PCDHA4: variants seen among roughly 807,000 people sequenced by gnomAD.
PCDHA4 encodes the protein protocadherin alpha-4.
A neutral mutation model predicts 61.4 loss-of-function variants in PCDHA4; 49 were observed. The observed-to-expected ratio is 0.80, with a 90% confidence interval of 0.63 to 1.01. PCDHA4 has a LOEUF of 1.01. Among genes scored for constraint, PCDHA4 ranks in the 50% least tolerant of loss-of-function variants. The probability of loss-of-function intolerance (pLI) is 0.00; values close to 1 mark genes in which losing one functional copy is unlikely to be tolerated. For missense variants in PCDHA4, 1,254 were observed against 1,235.8 expected (o/e 1.01, Z -0.22); for synonymous variants, 590 against 550.3 (o/e 1.07, Z -1.01).
chr5:141,006,946 G>A (rs1333269040), intron 3 of PCDHA4, among the ~76,000 whole-genome samples: 1 of 152,120 alleles, frequency 6.6e-6, no homozygotes, highest in African/African-American at 2.4e-5. Flanking sequence ...TACCAGATAG[G>A]CAGTTATACA....
chr5:140,860,328 C>G (rs971322066), intron 1 of PCDHA4: 8 of 151,880 alleles, frequency 5.3e-5, no homozygotes, highest in Non-Finnish European at 1.0e-4. Context: ...CTGCAGTGAC[C>G]CATGATTGTG....
intron 1 of PCDHA4, chr5:140,810,699 A>T (rs782380307): frequency 6.6e-6 from 1 of 151,874 alleles, no homozygotes; most frequent in Non-Finnish European, 1.5e-5. Context: ...CTTCCATAGA[A>T]CTTTATTTAT....
intron 1 of PCDHA4, among the ~76,000 whole-genome samples, chr5:140,872,744 C>T (rs1359908128): frequency 6.6e-6 from 1 of 152,086 alleles, no homozygotes; most frequent in African/African-American, 2.4e-5. Flanking sequence ...TCTAAACTTG[C>T]TAAAGACATG....
chr5:140,831,107 C>T (rs1479291703), intron 1 of PCDHA4: 8 of 152,120 alleles, frequency 5.3e-5, no homozygotes, highest in Non-Finnish European at 8.8e-5. Context: ...AGTTATCAGC[C>T]TGAATACTTC....
intron 1 of PCDHA4, among the ~76,000 whole-genome samples, chr5:140,832,431 A>AT (rs1176475006): frequency 6.6e-6 from 1 of 152,192 alleles, no homozygotes; most frequent in Non-Finnish European, 1.5e-5. Flanking sequence ...GTACATGATA[A>AT]TTTTTAAGCG....
chr5:140,810,316 C>G (rs1764636822), intron 1 of PCDHA4: 1 of 152,126 alleles, frequency 6.6e-6, no homozygotes, highest in South Asian at 2.1e-4. Context: ...TCTTTGATGC[C>G]CATGTACACA....
chr5:140,870,552 G>A, intron 1 of PCDHA4: 2 of 1,614,042 alleles, frequency 1.2e-6, no homozygotes, highest in Non-Finnish European at 1.7e-6. Context: ...ACGCGGACGC[G>A]CAGGAGAACG....
At chr5:140,901,006 C>T (rs2068410974) in intron 1 of PCDHA4, among the ~76,000 whole-genome samples, 2 of 152,070 alleles carry the variant, frequency 1.3e-5, no homozygotes, top group African/African-American at 4.8e-5. Flanking sequence ...AGTATGTCTT[C>T]TTTTGAGAAA....
chr5:140,949,313 A>G (rs989940621), intron 1 of PCDHA4, among the ~76,000 whole-genome samples: 1 of 151,952 alleles, frequency 6.6e-6, no homozygotes, highest in Non-Finnish European at 1.5e-5. Context: ...GTAATGATTT[A>G]TAAATATAAA....
Position 140,808,549 on chromosome 5 carries a change from G to A in PCDHA4, c.1362G>A (p.Ala454=), listed in dbSNP as rs782013709. The change falls in exon 1 of 4, where the codon GCG becomes GCA. Residue 454 remains alanine, a synonymous_variant. Coordinates refer to ENST00000530339, the MANE Select transcript of PCDHA4 (RefSeq NM_018907.4). ...EVADVNDNAP[A]FAQPEYTVFV... Reference sequence around the variant, plus strand: ...CTGATGTGAACGACAACGCTCCGGCGTTCGCGCAGCCCGAGTACACAGTGT... The same window carrying A: ...CTGATGTGAACGACAACGCTCCGGCATTCGCGCAGCCCGAGTACACAGTGT... 7 of 1,614,136 alleles carry A rather than the reference G, an allele frequency of 4.3e-6. No homozygotes were observed. Among genetic ancestry groups the A allele is most frequent in the South Asian group, 3.3e-5 (3 of 91,084 alleles).
Position 140,853,937 on chromosome 5 carries a change from G to T in PCDHA4, c.2385+44365G>T, listed in dbSNP as rs367556947. The T allele has an allele frequency of 1.7e-4, 142 of 835,446 alleles. 8 individuals carry two copies. The highest frequency in any genetic ancestry group is 1.9e-4 in the Non-Finnish European group (128 of 679,266). 51.8% of individuals were successfully genotyped at this position (835,446 alleles called of 1,614,324 possible). A position where few individuals can be genotyped will look rare whatever the true frequency, so the allele number is the denominator to read the frequency against. On this transcript the variant is annotated intron_variant, in intron 1 of 3. Coordinates refer to ENST00000530339, the MANE Select transcript of PCDHA4 (RefSeq NM_018907.4). ...CAATCCCAACATTTTGGGAGGCCAA[G>T]GTGGGAGGGTCCCTTCCTTGAGCCC...
In PCDHA4 at chr5:140,807,615, C is replaced by T. The variant is rs781997820; in HGVS notation, c.428C>T (p.Ala143Val). ...GCAACACAAAAGAACCTGTCCATCG[C>T]GGAATCCAGGCCGCTTGACTCTCGG... ...FPATQKNLSI[A>V]ESRPLDSRFP... Residue 143 changes from alanine (A) to valine (V), a missense_variant, in exon 1 of 4, where the codon GCG becomes GTG. Physicochemically the swap from Ala to Val is moderately conservative, Grantham distance 64 (BLOSUM62 0). Transcript: ENST00000530339. 6.2e-6 allele frequency: 10 copies of T among 1,614,038 alleles called. No homozygotes were observed. In the East Asian group the frequency reaches 6.7e-5, roughly 11 times the overall value.
At chr5:140,922,190 T>C (rs1486044845) in intron 1 of PCDHA4, among the ~76,000 whole-genome samples, 2 of 152,154 alleles carry the variant, frequency 1.3e-5, no homozygotes, top group African/African-American at 4.8e-5. Flanking sequence ...AAAAAAGTCT[T>C]ATCTTTAATG....
chr5:141,011,228 A>T lies in PCDHA4; in HGVS notation c.*1291A>T, dbSNP rs2098419864. 1 of 153,664 alleles carries T rather than the reference A, an allele frequency of 6.5e-6. No homozygotes were observed. The highest frequency in any genetic ancestry group is 1.5e-5 in the Non-Finnish European group (1 of 68,016). 9.5% of individuals were successfully genotyped at this position (153,664 alleles called of 1,614,324 possible). On this transcript the variant is annotated 3_prime_UTR_variant, in exon 4 of 4. Coordinates refer to ENST00000530339, the MANE Select transcript of PCDHA4 (RefSeq NM_018907.4). The stretch of plus-strand genomic sequence containing the variant: ...CAGTGAGCAGATTTTTCAATCTACT[A>T]ATTCTGTGACTTGTCTTGGTGTGCT...
intron 2 of PCDHA4, among the ~76,000 whole-genome samples, chr5:140,979,943 T>A (rs2153820467): frequency 6.6e-6 from 1 of 152,364 alleles, no homozygotes; most frequent in Admixed American, 6.5e-5. Context: ...GTAGAGTTAA[T>A]GTGAAATTAG....
At chr5:140,842,857 G>C in intron 1 of PCDHA4, 1 of 1,594,002 alleles carries the variant, frequency 6.3e-7, no homozygotes, top group Non-Finnish European at 8.6e-7. Flanking sequence ...CGGTGCACAC[G>C]GAGAGCGGCA....
intron 1 of PCDHA4, among the ~76,000 whole-genome samples, chr5:140,940,974 A>G (rs1206597858): frequency 6.6e-6 from 1 of 152,220 alleles, no homozygotes; most frequent in Non-Finnish European, 1.5e-5. Flanking sequence ...GATATCTGGT[A>G]TCTAGTTACA....
intron 1 of PCDHA4, chr5:140,828,701 G>A (rs1769895865): frequency 1.2e-6 from 2 of 1,614,104 alleles, no homozygotes. Context: ...GGACAGAGAG[G>A]AAGCTCCTGC....
intron 1 of PCDHA4, chr5:140,968,168 A>T (rs145694919): frequency 3.1e-6 from 5 of 1,614,098 alleles, no homozygotes; most frequent in Non-Finnish European, 4.2e-6. Context: ...CAATCCACCA[A>T]GCTTCCTGGA....
Sources: gnomAD v4.1 joint callset for allele counts (sites outside exome capture counted in the v4.1 genomes callset) on GRCh38, gnomAD v4.1.1 for gene constraint, MANE v1.5 for transcripts, NCBI Gene and HGNC (gene_info 2026-07-23, HGNC 2026-07-21) for gene names.